SLC24A3: variants seen among roughly 807,000 people sequenced by gnomAD.
SLC24A3 encodes the protein solute carrier family 24 member 3.
In SLC24A3, 28 loss-of-function variants were observed where a neutral mutation model predicts 75.8. The observed-to-expected ratio is 0.37, with a 90% CI of 0.27 to 0.51. The LOEUF (loss-of-function observed/expected upper bound fraction) is 0.51, where lower values mean the gene tolerates loss of function less well. Ranked by LOEUF, SLC24A3 falls within the 20% of genes least tolerant of loss-of-function variation. SLC24A3 has a pLI of 0.94. For synonymous variants in SLC24A3, 372 were observed against 334.1 expected, an observed-to-expected ratio of 1.11 and a Z score of -1.24; for missense variants, 663 against 847.8, an observed-to-expected ratio of 0.78 and a Z score of 2.71.
rs866229984 is a variant in SLC24A3, at chr20:19,665,886, C to T, written c.710C>T (p.Ser237Phe). 6.2e-7 allele frequency: 1 copy of T among 1,608,958 alleles called. No homozygotes were observed. Residue 237 changes from serine (S) to phenylalanine (F), a missense_variant, in exon 8 of 17, where the codon TCC becomes TTC. Around this residue, in one of 2 missense-constraint regions of SLC24A3, gnomAD observed 510 missense variants for 703.6 expected, o/e 0.72. Transcript: ENST00000328041. Reference protein sequence around the residue: ...LIVFIYDEKVSWWESLVLVLM... With the variant: ...LIVFIYDEKVFWWESLVLVLM... ...CAGTTTATTTATGATGAAAAAGTTTCCTGGTAAGTACCTCTCTTTCCCCTT... is the reference window on the plus strand; with the variant it reads ...CAGTTTATTTATGATGAAAAAGTTTTCTGGTAAGTACCTCTCTTTCCCCTT...
chr20:19,689,137 A>G (rs776395433), intron 12 of SLC24A3, among the ~76,000 whole-genome samples: 4 of 152,240 alleles, frequency 2.6e-5, no homozygotes, highest in African/African-American at 9.6e-5. Context: ...AAGAAAAACT[A>G]GAAGGAAATA....
chr20:19,635,741 G>C (rs561350373), intron 6 of SLC24A3, among the ~76,000 whole-genome samples: 5 of 152,306 alleles, frequency 3.3e-5, no homozygotes, highest in Non-Finnish European at 5.9e-5. Flanking sequence ...GAGCACCTTT[G>C]TATGTTCACT....
intron 2 of SLC24A3, among the ~76,000 whole-genome samples, chr20:19,484,461 T>C (rs1568631259): frequency 6.6e-6 from 1 of 152,220 alleles, no homozygotes; most frequent in Non-Finnish European, 1.5e-5. Flanking sequence ...ATTTTTGGAT[T>C]AAGGATGCTC....
At chr20:19,256,316 C>T (rs1399538615) in intron 1 of SLC24A3, among the ~76,000 whole-genome samples, 2 of 152,062 alleles carry the variant, frequency 1.3e-5, no homozygotes, top group African/African-American at 4.8e-5. Context: ...TTCATGGTTG[C>T]CTGGGGCTGG....
At chr20:19,273,240 G>A (rs1256187557) in intron 1 of SLC24A3, among the ~76,000 whole-genome samples, 5 of 152,142 alleles carry the variant, frequency 3.3e-5, no homozygotes, top group Admixed American at 1.3e-4. Flanking sequence ...GTGTCATGTC[G>A]GACAGGAAGG....
intron 6 of SLC24A3, among the ~76,000 whole-genome samples, chr20:19,617,915 C>G (rs1327284508): frequency 6.6e-6 from 1 of 152,180 alleles, no homozygotes; most frequent in African/African-American, 2.4e-5. Context: ...AACTTCCAAG[C>G]CAGATCCTGG....
At position 19,722,075 on chromosome 20, in the gene SLC24A3, T is replaced by G. The variant is rs2033110153; in HGVS notation, c.*935T>G. 6.5e-6 allele frequency: 1 copy of G among 152,734 alleles called. No individual in the cohort carries two copies. Among genetic ancestry groups the G allele is most frequent in the African/African-American group, 2.4e-5 (1 of 41,452 alleles). 9.5% of individuals were successfully genotyped at this position (152,734 alleles called of 1,614,324 possible). A position where few individuals can be genotyped will look rare whatever the true frequency, so the allele number is the denominator to read the frequency against. ...CTGCCAGGCAGTCAAAAACAGAAGC[T>G]TCCCCGACTTGTGAGTCCCTGAGAT... On this transcript the variant is annotated 3_prime_UTR_variant, in exon 17 of 17. Transcript: ENST00000328041.
At chr20:19,686,821 C>A (rs1036021295) in intron 12 of SLC24A3, among the ~76,000 whole-genome samples, 10 of 152,140 alleles carry the variant, frequency 6.6e-5, no homozygotes, top group African/African-American at 2.4e-4. Flanking sequence ...CCCCCAGGTC[C>A]CTTACCTCCC....
At chr20:19,612,074 G>T (rs1253607369) in intron 6 of SLC24A3, among the ~76,000 whole-genome samples, 3 of 152,146 alleles carry the variant, frequency 2.0e-5, no homozygotes, top group Admixed American at 6.5e-5. Flanking sequence ...TCTGTGCGCT[G>T]ATGAGGCTAG....
At chr20:19,469,517 C>G (rs1440766161) in intron 2 of SLC24A3, among the ~76,000 whole-genome samples, 2 of 152,144 alleles carry the variant, frequency 1.3e-5, no homozygotes, top group Non-Finnish European at 2.9e-5. Flanking sequence ...CTCCACGTAG[C>G]TGCATCCACT....
At chr20:19,487,501 C>T (rs555070882) in intron 2 of SLC24A3, among the ~76,000 whole-genome samples, 1 of 152,244 alleles carries the variant, frequency 6.6e-6, no homozygotes, top group Non-Finnish European at 1.5e-5. Flanking sequence ...AGCAAAATGC[C>T]TTTTGCCTGA....
intron 1 of SLC24A3, among the ~76,000 whole-genome samples, chr20:19,271,110 G>A (rs2122210465): frequency 6.6e-6 from 1 of 152,292 alleles, no homozygotes; most frequent in South Asian, 2.1e-4. Context: ...GTCATTAGAA[G>A]AACCACATTT....
chr20:19,416,628 T>C (rs1325746014), intron 2 of SLC24A3, among the ~76,000 whole-genome samples: 3 of 152,172 alleles, frequency 2.0e-5, no homozygotes, highest in East Asian at 1.9e-4. Context: ...TAAATTGATA[T>C]AGTACAAGAG....
At chr20:19,624,736 C>T (rs2031847165) in intron 6 of SLC24A3, among the ~76,000 whole-genome samples, 1 of 152,170 alleles carries the variant, frequency 6.6e-6, no homozygotes, top group Non-Finnish European at 1.5e-5. Context: ...TGTGAGTTCA[C>T]ACTGTGCATG....
intron 2 of SLC24A3, among the ~76,000 whole-genome samples, chr20:19,487,592 G>A (rs1160521971): frequency 6.6e-6 from 1 of 152,132 alleles, no homozygotes; most frequent in Non-Finnish European, 1.5e-5. Context: ...TGGACCCAAA[G>A]CTCTCTGAAG....
intron 3 of SLC24A3, among the ~76,000 whole-genome samples, chr20:19,536,659 G>A (rs936367930): frequency 4.6e-5 from 7 of 152,144 alleles, no homozygotes; most frequent in Admixed American, 3.9e-4. Context: ...AACAGCATGG[G>A]ACTGGTACCA....
intron 2 of SLC24A3, among the ~76,000 whole-genome samples, chr20:19,512,573 T>C (rs376330263): frequency 2.4e-4 from 37 of 152,348 alleles, no homozygotes; most frequent in African/African-American, 8.9e-4. Context: ...TTGTGGAGAA[T>C]TGAAACTCAG....
chr20:19,419,886 G>A (rs1265119234), intron 2 of SLC24A3, among the ~76,000 whole-genome samples: 3 of 134,412 alleles, frequency 2.2e-5, no homozygotes, highest in African/African-American at 8.6e-5. Context: ...GTGCAGGTTA[G>A]TTACATATGT....
chr20:19,685,791 T>A lies in SLC24A3; in HGVS notation c.1324+430T>A, dbSNP rs141701988. Among the ~76,000 whole-genome samples the A allele has an allele frequency of 3.8e-3, 575 of 152,100 alleles. 5 individuals are homozygous for A. The highest frequency in any genetic ancestry group is 0.013 in the African/African-American group (529 of 41,480). The stretch of plus-strand genomic sequence containing the variant: ...GGGGATTTATATAGCAGGGAAGGAA[T>A]GTAGCTACCTTCCAGCAAGCAGGAA... On this transcript the variant is annotated intron_variant, in intron 12 of 16. Coordinates refer to ENST00000328041, the MANE Select transcript of SLC24A3 (RefSeq NM_020689.4).
Sources: gnomAD v4.1 joint callset for allele counts (sites outside exome capture counted in the v4.1 genomes callset) on GRCh38, gnomAD v4.1.1 for gene constraint, gnomAD v4.1.1 regional missense constraint, MANE v1.5 for transcripts, NCBI Gene and HGNC (gene_info 2026-07-23, HGNC 2026-07-21) for gene names.